The following TENM4 variants were observed in gnomAD, a reference collection of about 807,000 sequenced individuals.
TENM4 encodes the protein teneurin transmembrane protein 4, also known as teneurin-4.
TENM4 carries 82 observed loss-of-function variants against 243.3 expected under a neutral mutation model. The ratio of observed to expected loss-of-function variants is 0.34; its 90% CI spans 0.28 to 0.40. TENM4 has a LOEUF of 0.40. Ranked by LOEUF, TENM4 falls within the 10% of genes least tolerant of loss-of-function variation. The probability of loss-of-function intolerance (pLI) is 1.00; values close to 1 mark genes in which losing one functional copy is unlikely to be tolerated. For missense variants in TENM4, 3,138 were observed against 3,673.3 expected (o/e 0.85, Z 3.77); for synonymous variants, 1,412 against 1,456.3 (o/e 0.97, Z 0.69).
intron 6 of TENM4, among the ~76,000 whole-genome samples, chr11:79,029,333 T>A (rs1053689950): frequency 6.6e-6 from 1 of 152,184 alleles, no homozygotes; most frequent in African/African-American, 2.4e-5. Flanking sequence ...CCTGCTAGAT[T>A]CACCTGCTTT....
intron 2 of TENM4, among the ~76,000 whole-genome samples, chr11:79,278,345 C>T (rs114318883): frequency 0.012 from 1,812 of 152,232 alleles, 31 homozygotes; most frequent in African/African-American, 0.041. Context: ...TGAGACTGGC[C>T]GGACAAATGG....
chr11:78,662,938 G>A (rs11603048), intron 32 of TENM4, among the ~76,000 whole-genome samples: 64,591 of 152,112 alleles, frequency 0.42, 16,725 homozygotes, highest in Non-Finnish European at 0.59. Flanking sequence ...AGATGAAGTG[G>A]GCCCTTCAGG....
chr11:78,658,057 G>C lies in TENM4; in HGVS notation c.*1C>G, dbSNP rs1857937553. ...TGGCAAGAAGTCCTTGGTCCTCTCTGTCACCTCCGGCCCATCTCGCTCTGT... is the reference window on the plus strand; with the variant it reads ...TGGCAAGAAGTCCTTGGTCCTCTCTCTCACCTCCGGCCCATCTCGCTCTGT... On this transcript the variant is annotated 3_prime_UTR_variant, in exon 34 of 34. Transcript: ENST00000278550. The C allele has an allele frequency of 6.2e-7, 1 of 1,611,628 alleles. No individual in the cohort carries two copies. The highest frequency in any genetic ancestry group is 1.3e-5 in the African/African-American group (1 of 74,606).
At position 78,670,461 on chromosome 11, in the gene TENM4, CCACGTTGGG is replaced by C; in HGVS notation, c.5875_5883del (p.Pro1959_Val1961del). 1 of 1,613,988 alleles carries C rather than the reference CCACGTTGGG, an allele frequency of 6.2e-7. No individual in the cohort carries two copies. The highest frequency in any genetic ancestry group is 8.5e-7 in the Non-Finnish European group (1 of 1,179,896). On this transcript the variant is annotated inframe_deletion, in exon 32 of 34. Coordinates refer to ENST00000278550, the MANE Select transcript of TENM4 (RefSeq NM_001098816.3). ...CGGATGGTCTCTAGTGTCTGCCGCG[CCACGTTGGG>C]CATCGTCACAGAAGAGAGGCGGTCA...
chr11:79,326,998 C>T (rs2135437381), intron 1 of TENM4, among the ~76,000 whole-genome samples: 1 of 152,320 alleles, frequency 6.6e-6, no homozygotes, highest in East Asian at 1.9e-4. Flanking sequence ...TTTTCTCTCT[C>T]CCTTTAATGC....
chr11:78,840,168 A>G (rs927350141), intron 12 of TENM4, among the ~76,000 whole-genome samples: 3 of 152,226 alleles, frequency 2.0e-5, no homozygotes, highest in African/African-American at 7.2e-5. Context: ...AAGCTTTCCA[A>G]GGAATAGCGT....
chr11:79,163,371 C>T (rs1275717591), intron 3 of TENM4, among the ~76,000 whole-genome samples: 1 of 151,992 alleles, frequency 6.6e-6, no homozygotes, highest in Admixed American at 6.6e-5. Flanking sequence ...TTGTACAAGC[C>T]ACATAGCCAA....
chr11:78,984,394 C>T (rs1157245554), intron 6 of TENM4, among the ~76,000 whole-genome samples: 1 of 152,152 alleles, frequency 6.6e-6, no homozygotes, highest in Non-Finnish European at 1.5e-5. Flanking sequence ...CATAGTTTCC[C>T]CTCCGAGGTG....
chr11:78,774,645 C>T (rs1226516116), intron 17 of TENM4, among the ~76,000 whole-genome samples: 2 of 152,158 alleles, frequency 1.3e-5, no homozygotes. Context: ...GGACAAGAGG[C>T]CTGCGTTCTG....
At chr11:78,962,252 T>C (rs1386835118) in intron 6 of TENM4, 1 of 147,002 alleles carries the variant, frequency 6.8e-6, no homozygotes, top group Non-Finnish European at 1.5e-5. Context: ...CACCGTTGCC[T>C]AGCAACCGCC....
At chr11:79,046,531 G>A (rs1859664702) in intron 6 of TENM4, among the ~76,000 whole-genome samples, 1 of 152,162 alleles carries the variant, frequency 6.6e-6, no homozygotes, top group Non-Finnish European at 1.5e-5. Context: ...TGTTGCAGAT[G>A]TAATTAGTTA....
intron 1 of TENM4, among the ~76,000 whole-genome samples, chr11:79,407,624 G>A (rs1242154077): frequency 6.6e-6 from 1 of 152,166 alleles, no homozygotes; most frequent in Non-Finnish European, 1.5e-5. Context: ...AAATGTAAAA[G>A]ACATGCTTTC....
chr11:79,116,765 C>T (rs1861631273), intron 4 of TENM4, among the ~76,000 whole-genome samples: 1 of 152,138 alleles, frequency 6.6e-6, no homozygotes, highest in Admixed American at 6.5e-5. Flanking sequence ...ACCTCAGATT[C>T]CAATTCTGGA....
At chr11:79,200,077 T>C (rs927195622) in intron 3 of TENM4, among the ~76,000 whole-genome samples, 1 of 152,202 alleles carries the variant, frequency 6.6e-6, no homozygotes, top group Non-Finnish European at 1.5e-5. Context: ...TCTAGAAGCA[T>C]CCAGTCACTC....
In TENM4 at chr11:78,702,278, G is replaced by A. The variant is rs1859127480; in HGVS notation, c.4335C>T (p.Pro1445=). The change falls in exon 28 of 34, where the codon CCC becomes CCT. Residue 1445 remains proline, a synonymous_variant. Transcript: ENST00000278550. ...NHQVRIVAGR[P]MHCQVPGIDH... The stretch of plus-strand genomic sequence containing the variant: ...CAATGCCAGGGACCTGGCAGTGCAT[G>A]GGCCTCCCGGCGACAATGCGCACCT... The A allele has an allele frequency of 1.2e-6, 2 of 1,614,034 alleles. No individual in the cohort carries two copies. The highest frequency in any genetic ancestry group is 1.7e-6 in the Non-Finnish European group (2 of 1,179,904).
At chr11:79,413,649 C>T (rs984758974) in intron 1 of TENM4, among the ~76,000 whole-genome samples, 2 of 151,964 alleles carry the variant, frequency 1.3e-5, no homozygotes, top group Admixed American at 1.3e-4. Context: ...AAATGTAATG[C>T]ATAAATCTTG....
At chr11:79,326,451 C>T (rs1034559546) in intron 1 of TENM4, among the ~76,000 whole-genome samples, 8 of 152,196 alleles carry the variant, frequency 5.3e-5, no homozygotes, top group African/African-American at 1.9e-4. Context: ...GCAAAGCAAG[C>T]ATGGACTCCC....
At chr11:79,415,218 G>T (rs1426653729) in intron 1 of TENM4, among the ~76,000 whole-genome samples, 1 of 152,160 alleles carries the variant, frequency 6.6e-6, no homozygotes, top group Non-Finnish European at 1.5e-5. Context: ...AACAGAACTG[G>T]GATCTGTGAA....
chr11:78,856,985 G>C (rs1208842085), intron 10 of TENM4, among the ~76,000 whole-genome samples: 1 of 152,142 alleles, frequency 6.6e-6, no homozygotes, highest in Admixed American at 6.5e-5. Flanking sequence ...ATACTGATTA[G>C]GAGGGTGACA....
Sources: gnomAD v4.1 joint callset for allele counts (sites outside exome capture counted in the v4.1 genomes callset) on GRCh38, gnomAD v4.1.1 for gene constraint, MANE v1.5 for transcripts, NCBI Gene and HGNC (gene_info 2026-07-23, HGNC 2026-07-21) for gene names.